The following DOCK8 variants were observed in gnomAD, a reference collection of about 807,000 sequenced individuals.
The protein encoded by DOCK8 is dedicator of cytokinesis protein 8.
In DOCK8, 141 loss-of-function variants were observed where a neutral mutation model predicts 245.6. The observed-to-expected ratio is 0.57, with a 90% CI of 0.50 to 0.66. The LOEUF (loss-of-function observed/expected upper bound fraction) is 0.66, where lower values mean the gene tolerates loss of function less well. Ranked by LOEUF, DOCK8 falls within the 30% of genes least tolerant of loss-of-function variation. DOCK8 has a pLI of 0.00. For synonymous variants in DOCK8, 1,168 were observed against 970.2 expected (o/e 1.20, Z -3.79); for missense variants, 2,965 against 2,603.4 (o/e 1.14, Z -3.02).
rs1212667894 is a variant in DOCK8 at position 451,994 on chromosome 9, T to A, written c.5962-17T>A. On this transcript the variant is annotated splice_polypyrimidine_tract_variant and intron_variant, in intron 45 of 47. Coordinates refer to ENST00000432829, the MANE Select transcript of DOCK8 (RefSeq NM_203447.4). The stretch of plus-strand genomic sequence containing the variant: ...ATATATATATTTTTTTTTTTTTTTT[T>A]TTTTTTTTCCCACCAGGGACCACTG... 9 of 578,974 alleles carry A rather than the reference T, an allele frequency of 1.6e-5. No individual in the cohort carries two copies. The highest frequency in any genetic ancestry group is 1.4e-4 in the South Asian group (6 of 42,740). 35.9% of individuals were successfully genotyped at this position (578,974 alleles called of 1,614,324 possible). A position where few individuals can be genotyped will look rare whatever the true frequency, so the allele number is the denominator to read the frequency against.
At chr9:345,644 G>C (rs1485092747) in intron 14 of DOCK8, among the ~76,000 whole-genome samples, 1 of 152,106 alleles carries the variant, frequency 6.6e-6, no homozygotes, top group African/African-American at 2.4e-5. Context: ...AGTTGGCTTG[G>C]GATAGGCTGG....
At chr9:419,199 G>GA (rs1304772038) in intron 30 of DOCK8, among the ~76,000 whole-genome samples, 2 of 152,236 alleles carry the variant, frequency 1.3e-5, no homozygotes, top group African/African-American at 4.8e-5. Flanking sequence ...TCTCCCGTGA[G>GA]AAAGCAGCAT....
intron 14 of DOCK8, among the ~76,000 whole-genome samples, chr9:355,730 G>C (rs2052408528): frequency 6.6e-6 from 1 of 152,014 alleles, no homozygotes; most frequent in East Asian, 1.9e-4. Context: ...ACATATGAAG[G>C]AATGGATTCA....
intron 1 of DOCK8, among the ~76,000 whole-genome samples, chr9:255,658 ACTCCAT>A (rs1239480662): frequency 8.8e-6 from 1 of 113,314 alleles, no homozygotes; most frequent in East Asian, 2.8e-4. Flanking sequence ...ATAGAGCAAG[ACTCCAT>A]CTCCAAAAAA....
chr9:308,534 A>G (rs2049950189), intron 5 of DOCK8, among the ~76,000 whole-genome samples: 1 of 152,252 alleles, frequency 6.6e-6, no homozygotes, highest in Non-Finnish European at 1.5e-5. Context: ...TTAAACAAGT[A>G]TATGATAAGA....
intron 1 of DOCK8, among the ~76,000 whole-genome samples, chr9:229,283 T>A (rs624098): frequency 0.21 from 32,655 of 152,130 alleles, 4,285 homozygotes; most frequent in East Asian, 0.35. Context: ...TATATCACAA[T>A]ACCCATTTTA....
intron 26 of DOCK8, among the ~76,000 whole-genome samples, chr9:400,178 CCACCTCCTT>C: frequency 7.9e-6 from 1 of 126,618 alleles, no homozygotes; most frequent in South Asian, 2.7e-4. Context: ...TCCACCATCA[CCACCTCCTT>C]CACCATCACC....
intron 8 of DOCK8, among the ~76,000 whole-genome samples, chr9:326,895 C>G (rs1386760300): frequency 6.6e-6 from 1 of 152,216 alleles, no homozygotes; most frequent in Non-Finnish European, 1.5e-5. Flanking sequence ...AATGTAGTCT[C>G]TGCCTGGGCA....
At chr9:277,673 A>G (rs2048413864) in intron 2 of DOCK8, among the ~76,000 whole-genome samples, 1 of 152,076 alleles carries the variant, frequency 6.6e-6, no homozygotes, top group Non-Finnish European at 1.5e-5. Context: ...ATGGAGGGAA[A>G]AATCCTATTT....
At position 215,589 on chromosome 9, in the gene DOCK8, G is replaced by A. The variant is rs745778638; in HGVS notation, c.53+560G>A. The A allele has an allele frequency of 4.0e-5, 28 of 696,074 alleles. 1 individual carries two copies. The Admixed American group carries it at 9.5e-4, about 24-fold the overall frequency. The allele number at this position is 696,074 out of a possible 1,614,324, so 43.1% of individuals were successfully genotyped here. A position where few individuals can be genotyped will look rare whatever the true frequency, so the allele number is the denominator to read the frequency against. On this transcript the variant is annotated intron_variant, in intron 1 of 47. Coordinates refer to ENST00000432829, the MANE Select transcript of DOCK8 (RefSeq NM_203447.4). ...TATTTTTATACCCTGGTCCAAAGGA[G>A]CCATGAAGTGGAAAAAGTGATTTTT...
At chr9:440,266 C>T (rs1338375127) in intron 40 of DOCK8, among the ~76,000 whole-genome samples, 1 of 152,122 alleles carries the variant, frequency 6.6e-6, no homozygotes, top group Non-Finnish European at 1.5e-5. Flanking sequence ...GTGATCTGCC[C>T]ATCTTGGCCT....
chr9:218,328 T>C (rs1020308876), intron 1 of DOCK8, among the ~76,000 whole-genome samples: 1 of 152,234 alleles, frequency 6.6e-6, no homozygotes, highest in Admixed American at 6.5e-5. Flanking sequence ...ATATTATTTG[T>C]AAAGCGTTCA....
chr9:284,079 G>T (rs974981281), intron 2 of DOCK8, among the ~76,000 whole-genome samples: 2 of 152,148 alleles, frequency 1.3e-5, no homozygotes, highest in African/African-American at 4.8e-5. Context: ...GTTGGGGCTG[G>T]AAAAAATGCA....
intron 4 of DOCK8, among the ~76,000 whole-genome samples, chr9:295,905 C>T (rs2049241493): frequency 1.3e-5 from 2 of 152,078 alleles, no homozygotes; most frequent in South Asian, 4.2e-4. Flanking sequence ...AATAATGCTG[C>T]CCATGAAGGA....
chr9:386,954 A>G (rs1004975851), intron 23 of DOCK8, among the ~76,000 whole-genome samples: 1 of 152,238 alleles, frequency 6.6e-6, no homozygotes, highest in Non-Finnish European at 1.5e-5. Context: ...ATGAGTTCAG[A>G]AACTTTAAAA....
At chr9:223,175 T>A (rs2046921346) in intron 1 of DOCK8, among the ~76,000 whole-genome samples, 1 of 152,218 alleles carries the variant, frequency 6.6e-6, no homozygotes, top group Admixed American at 6.5e-5. Flanking sequence ...ATTGTTCTTC[T>A]GTGATAGAGA....
chr9:239,302 T>G (rs1315996279), intron 1 of DOCK8, among the ~76,000 whole-genome samples: 2 of 152,228 alleles, frequency 1.3e-5, no homozygotes, highest in Admixed American at 6.5e-5. Flanking sequence ...GGACTTTAAA[T>G]TTCCCCTGGA....
rs905405164 is a variant in DOCK8, at chr9:434,062, C to CT, written c.4886+88dup. ...GTTCTTACTAATGTAATGATCACAG[C>CT]TAACATGGATATAGTGATTTGGATG... is the stretch of plus-strand genomic sequence containing the variant. On this transcript the variant is annotated intron_variant, in intron 38 of 47. Coordinates refer to ENST00000432829, the MANE Select transcript of DOCK8 (RefSeq NM_203447.4). 5.4e-5 allele frequency: 50 copies of CT among 933,220 alleles called. No homozygotes were observed. The Admixed American group carries it at 8.7e-4, about 16-fold the overall frequency. The allele number at this position is 933,220 out of a possible 1,614,324, so 57.8% of individuals were successfully genotyped here.
intron 1 of DOCK8, among the ~76,000 whole-genome samples, chr9:254,350 C>T (rs560026345): frequency 2.0e-5 from 3 of 152,284 alleles, no homozygotes; most frequent in African/African-American, 4.8e-5. Context: ...CTTGCTATCT[C>T]GTTACTGGCC....
Sources: allele counts gnomAD v4.1 joint callset (sites outside exome capture counted in the v4.1 genomes callset), GRCh38; gene constraint gnomAD v4.1.1; transcripts MANE v1.5; gene names NCBI Gene and HGNC (gene_info 2026-07-23, HGNC 2026-07-21).